Variants in NPHP4 observed in about 807,000 individuals in gnomAD.
NPHP4 encodes nephrocystin-4.
NPHP4 carries 151 observed loss-of-function variants against 155.8 expected under a neutral mutation model. The ratio of observed to expected loss-of-function variants is 0.97; its 90% CI spans 0.85 to 1.11. The LOEUF is 1.11. NPHP4 is among the 50% of genes least tolerant of loss of function. NPHP4 has a pLI of 0.00. For missense variants in NPHP4, 1,956 were observed against 1,925.7 expected (o/e 1.02, Z -0.29); for synonymous variants, 845 against 816.8 (o/e 1.03, Z -0.59).
chr1:5,865,049 T>A, intron 27 of NPHP4, 53 bp downstream of exon 27: 1 of 1,575,940 alleles, frequency 6.3e-7, no homozygotes, highest in Non-Finnish European at 8.7e-7. Context: ...CCACTGCCCG[T>A]CTCCAGGCTG....
Position 5,877,163 on chromosome 1 carries a change from A to G in NPHP4, c.2747T>C (p.Leu916Pro). ...CAGGCGCACAGACCTCATCCGCTCC[A>G]GCTTACGCCTGCGGGTGGCATCCGA... is the stretch of plus-strand genomic sequence containing the variant. The part of the protein sequence containing the change: ...RESDATRRRK[L>P]ERMRSVRLQE... The change falls in exon 20 of 30, where the codon CTG (leucine) becomes CCG (proline). Residue 916 changes from leucine (L) to proline (P), a missense_variant. By Grantham distance (98) the Leu-to-Pro change is moderately conservative (BLOSUM62 -3). Coordinates refer to ENST00000378156, the MANE Select transcript of NPHP4 (RefSeq NM_015102.5). The G allele has an allele frequency of 6.2e-7, 1 of 1,605,676 alleles. No individual in the cohort carries two copies.
chr1:5,980,108 C>T (rs1405857206), intron 2 of NPHP4, among the ~76,000 whole-genome samples: 2 of 152,162 alleles, frequency 1.3e-5, no homozygotes, highest in African/African-American at 2.4e-5. Flanking sequence ...CCAACGCAAG[C>T]CCGTCCAGCT....
At position 5,864,001 on chromosome 1, in the gene NPHP4, C is replaced by G; in HGVS notation, c.4029G>C (p.Gly1343=). 1.9e-6 allele frequency: 3 copies of G among 1,613,704 alleles called. No individual in the cohort carries two copies. Among genetic ancestry groups the G allele is most frequent in the Non-Finnish European group, 2.5e-6 (3 of 1,179,766 alleles). The change falls in exon 29 of 30, where the codon GGG becomes GGC. Residue 1343 remains glycine, a synonymous_variant. Transcript: ENST00000378156. Reference sequence around the variant, plus strand: ...AGGTGATCCTCTTGTTGACACCCTTCCCTTCGCCCGCAGCCAACATGATCT... The same window carrying G: ...AGGTGATCCTCTTGTTGACACCCTTGCCTTCGCCCGCAGCCAACATGATCT... ...AFEIMLAAGE[G]KGVNKRITYT...
chr1:5,879,890 C>T (rs1029175594), intron 19 of NPHP4, among the ~76,000 whole-genome samples: 1 of 151,678 alleles, frequency 6.6e-6, no homozygotes, highest in South Asian at 2.1e-4. Flanking sequence ...CAGACACGCA[C>T]ACGTGCACAC....
chr1:5,902,283 C>T (rs1570347551), intron 16 of NPHP4, among the ~76,000 whole-genome samples: 1 of 152,184 alleles, frequency 6.6e-6, no homozygotes, highest in Admixed American at 6.5e-5. Flanking sequence ...TGCAGAGAGG[C>T]GAGGGCTCAC....
At chr1:5,903,372 G>A (rs942329586) in intron 16 of NPHP4, among the ~76,000 whole-genome samples, 1 of 152,128 alleles carries the variant, frequency 6.6e-6, no homozygotes, top group Non-Finnish European at 1.5e-5. Context: ...TTGTGTCTCT[G>A]CTGTCAGGTG....
rs141959232 is a variant in NPHP4 at position 5,984,052 on chromosome 1, A to G, written c.135+2103T>C. On this transcript the variant is annotated intron_variant, in intron 2 of 29. Coordinates refer to ENST00000378156, the MANE Select transcript of NPHP4 (RefSeq NM_015102.5). ...ATCTGTACATGAAAAAAATGAGGTT[A>G]TTCACTGTAGCAGTGCCTATAATAG... is the stretch of plus-strand genomic sequence containing the variant. Among the ~76,000 whole-genome samples, 6 of 152,306 alleles carry G rather than the reference A, an allele frequency of 3.9e-5. No homozygotes were observed. The East Asian group carries it at 1.2e-3, about 29-fold the overall frequency.
intron 16 of NPHP4, among the ~76,000 whole-genome samples, chr1:5,903,722 T>C (rs761879208): frequency 8.5e-5 from 13 of 152,208 alleles, no homozygotes; most frequent in Non-Finnish European, 1.9e-4. Context: ...CTATACAAAC[T>C]GCACCTCAAG....
intron 6 of NPHP4, among the ~76,000 whole-genome samples, chr1:5,956,059 T>TGC (rs796385140): frequency 9.5e-6 from 1 of 105,490 alleles, no homozygotes; most frequent in Non-Finnish European, 1.9e-5. Context: ...TTCAAAAAGC[T>TGC]GGGGGGGGGG....
intron 9 of NPHP4, among the ~76,000 whole-genome samples, chr1:5,941,876 G>A (rs1387128362): frequency 1.3e-5 from 2 of 152,194 alleles, no homozygotes; most frequent in Non-Finnish European, 1.5e-5. Flanking sequence ...GGGACAGGAG[G>A]TGCCATGCCA....
chr1:5,900,155 C>T (rs1390846109), intron 16 of NPHP4, among the ~76,000 whole-genome samples: 1 of 152,196 alleles, frequency 6.6e-6, no homozygotes, highest in Non-Finnish European at 1.5e-5. Flanking sequence ...AGTATGGTGA[C>T]TCCTAACAAA....
rs776844042 is a variant in NPHP4 at position 5,904,757 on chromosome 1, A to T, written c.2003T>A (p.Phe668Tyr). The T allele has an allele frequency of 1.9e-6, 3 of 1,613,990 alleles. No individual in the cohort carries two copies. In the South Asian group the frequency reaches 3.3e-5, roughly 18 times the overall value. ...TGGGAAGCGGTAGAACTGGAAGGTG[A>T]AATACACAGTCTTTGGCCATGATGT... ...RGTSWPKTVY[F>Y]TFQFYRFPPA... Residue 668 changes from phenylalanine (F) to tyrosine (Y), a missense_variant, in exon 16 of 30, where the codon TTC (phenylalanine) becomes TAC (tyrosine). Coordinates refer to ENST00000378156, the MANE Select transcript of NPHP4 (RefSeq NM_015102.5).
At chr1:5,924,035 C>T (rs965935874) in intron 11 of NPHP4, among the ~76,000 whole-genome samples, 6 of 152,090 alleles carry the variant, frequency 3.9e-5, no homozygotes, top group African/African-American at 4.8e-5. Flanking sequence ...AGTCAAGACA[C>T]GGAAGAATAA....
chr1:5,880,307 A>C (rs781648810), intron 18 of NPHP4, 68 bp from the exon 19 acceptor site: 63 of 1,545,712 alleles, frequency 4.1e-5, no homozygotes, highest in Non-Finnish European at 5.4e-5. Flanking sequence ...AGATCAACCC[A>C]CCACATAAGC....
At chr1:5,881,283 G>C (rs1444719054) in intron 18 of NPHP4, 1 of 152,294 alleles carries the variant, frequency 6.6e-6, no homozygotes. Flanking sequence ...CTGTGGAGGT[G>C]AGCCATATCC....
chr1:5,986,376 G>A, intron 1 of NPHP4, 49 bp from the exon 2 acceptor site: 1 of 1,435,990 alleles, frequency 7.0e-7, no homozygotes, highest in Middle Eastern at 2.4e-4. Flanking sequence ...GGGCTACAGT[G>A]GTCACAGCAA....
chr1:5,974,920 C>T (rs527683137), intron 3 of NPHP4, among the ~76,000 whole-genome samples: 3 of 152,282 alleles, frequency 2.0e-5, no homozygotes. Context: ...TCACCAACCC[C>T]AAAGCAGATC....
rs1223978019 is a variant in NPHP4, at chr1:5,868,023, G to C, written c.3316-127C>G. 5 of 1,016,408 alleles carry C rather than the reference G, an allele frequency of 4.9e-6. No individual in the cohort carries two copies. The Admixed American group carries it at 5.8e-5, about 12-fold the overall frequency. 63.0% of individuals were successfully genotyped at this position (1,016,408 alleles called of 1,614,324 possible). On this transcript the variant is annotated intron_variant, in intron 23 of 29. Coordinates refer to ENST00000378156, the MANE Select transcript of NPHP4 (RefSeq NM_015102.5). ...CCCTCACCCTCCACTGCCATGAGCG[G>C]GGAAGGTCGGGCATCGTCAAAGGCA...
Position 5,956,063 on chromosome 1 carries a change from G to GGC in NPHP4, c.674-3228_674-3227insGC, listed in dbSNP as rs1553190508. Among the ~76,000 whole-genome samples the GGC allele has an allele frequency of 4.8e-3, 713 of 149,326 alleles. 21 individuals carry two copies. The highest frequency in any genetic ancestry group is 0.017 in the African/African-American group (680 of 39,984). ...TAACAGAATGTTTCAAAAAGCTGGG[G>GGC]GGGGGGGGTGCAGGGAGGGATGACA... On this transcript the variant is annotated intron_variant, in intron 6 of 29. Coordinates refer to ENST00000378156, the MANE Select transcript of NPHP4 (RefSeq NM_015102.5).
Sources: allele counts gnomAD v4.1 joint callset (sites outside exome capture counted in the v4.1 genomes callset), GRCh38; gene constraint gnomAD v4.1.1; transcripts MANE v1.5; gene names NCBI Gene and HGNC (gene_info 2026-07-23, HGNC 2026-07-21).